Variants in CEP131 observed in about 807,000 individuals in gnomAD.
CEP131 encodes centrosomal protein of 131 kDa.
In CEP131, 99 loss-of-function variants were observed where a neutral mutation model predicts 136.8. The ratio of observed to expected loss-of-function variants is 0.72; its 90% CI spans 0.62 to 0.86. The LOEUF (loss-of-function observed/expected upper bound fraction) is 0.86. Ranked by LOEUF, CEP131 falls within the 40% of genes least tolerant of loss-of-function variation. CEP131 has a pLI of 0.00. For synonymous variants in CEP131, 646 were observed against 612.7 expected, an observed-to-expected ratio of 1.05 and a Z score of -0.80; for missense variants, 1,459 against 1,463.0, an observed-to-expected ratio of 1.00 and a Z score of 0.04.
At chr17:81,196,005 C>A in intron 15 of CEP131, 54 bp from the exon 16 acceptor site, 2 of 1,455,154 alleles carry the variant, frequency 1.4e-6, no homozygotes, top group East Asian at 2.3e-5. Context: ...CCCAGCAGGA[C>A]CCCTGATGGA....
chr17:81,192,322 T>C lies in CEP131; in HGVS notation c.2618A>G (p.Lys873Arg). Residue 873 changes from lysine to arginine, a missense_variant, in exon 21 of 26, where the codon AAG becomes AGG. Lys to Arg is a conservative substitution (Grantham distance 26). Transcript: ENST00000450824. ...RQAWEAGRTR[K>R]EEAWLLNREQ... ...CCTGGGTGCCCAGGCCCCCACCTCC[T>C]TCCTGGTGCGGCCGGCCTCCCACGC... 1 of 1,554,274 alleles carries C rather than the reference T, an allele frequency of 6.4e-7. No individual in the cohort carries two copies. The highest frequency in any genetic ancestry group is 2.4e-5 in the East Asian group (1 of 41,346).
chr17:81,204,410 G>A (rs2061960132), intron 5 of CEP131, among the ~76,000 whole-genome samples: 1 of 152,126 alleles, frequency 6.6e-6, no homozygotes, highest in Non-Finnish European at 1.5e-5. Context: ...GGGCGGGCTG[G>A]GGGTTTGTCT....
chr17:81,203,587 C>T lies in CEP131; in HGVS notation c.536G>A (p.Gly179Asp), dbSNP rs757798899. The change falls in exon 6 of 26, where the codon GGC becomes GAC. Residue 179 changes from glycine to aspartate, a missense_variant. Physicochemically the swap from Gly to Asp is moderately conservative, Grantham distance 94 (BLOSUM62 -1). Around this residue, in one of 3 missense-constraint regions of CEP131, gnomAD observed 246 missense variants for 318.9 expected, o/e 0.77. Transcript: ENST00000450824. This position sits in a 1 kb window ranked among gnomAD's most constrained non-coding sequence, Gnocchi z 4.6. ...ANNRSNKGAV[G>D]NCVTTMVHNR... The stretch of plus-strand genomic sequence containing the variant: ...GTGCACCATGGTGGTGACGCAGTTG[C>T]CCACTGCTCCCTTGTTGCTCCTGCC... 1 of 1,600,304 alleles carries T rather than the reference C, an allele frequency of 6.2e-7. No individual in the cohort carries two copies. Among genetic ancestry groups the T allele is most frequent in the Non-Finnish European group, 8.5e-7 (1 of 1,174,220 alleles).
At position 81,196,722 on chromosome 17, in the gene CEP131, C is replaced by A. The variant is rs2061763379; in HGVS notation, c.1878G>T (p.Arg626=). ...QREHYEATIQ[R]HLAFIDQLIE... ...TCACCTGGTCAATGAAGGCCAAGTG[C>A]CGCTGGATGGTGGCCTCGTAGTGCT... Residue 626 remains arginine, a synonymous_variant, in exon 15 of 26, where the codon CGG becomes CGT. Coordinates refer to ENST00000450824, the MANE Select transcript of CEP131 (RefSeq NM_014984.4). 1 of 1,605,276 alleles carries A rather than the reference C, an allele frequency of 6.2e-7. No homozygotes were observed. Among genetic ancestry groups the A allele is most frequent in the Non-Finnish European group, 8.5e-7 (1 of 1,178,282 alleles).
rs781565082 is a variant in CEP131 at position 81,206,797 on chromosome 17, C to T, written c.462G>A (p.Pro154=). 29 of 1,614,014 alleles carry T rather than the reference C, an allele frequency of 1.8e-5. No individual in the cohort carries two copies. Among genetic ancestry groups the T allele is most frequent in the Non-Finnish European group, 1.2e-5 (14 of 1,180,038 alleles). The change falls in exon 5 of 26, where the codon CCG becomes CCA. Residue 154 remains proline (P), a synonymous_variant. Transcript: ENST00000450824. ...SSSALDSPAG[P]RRKECTVALA... is the part of the protein sequence containing the mutation. ...GGGCCACGGTGCATTCTTTCCTCCG[C>T]GGGCCCGCTGGTGAGTCAAGGGCAC...
intron 19 of CEP131, 51 bp downstream of exon 19, chr17:81,192,685 G>GGGGGGGGGGGGGGGGGCCCC: frequency 2.1e-6 from 1 of 478,424 alleles, no homozygotes; most frequent in Non-Finnish European, 4.1e-6. Context: ...GGGGGGAGGG[G>GGGGGGGGGGGGGGGGGCCCC]TCAGCCAGCG....
chr17:81,220,035 C>A lies in CEP131; in HGVS notation c.22G>T (p.Gly8Cys). Reference sequence around the variant, plus strand: ...GCTGGGCTGCGCTCCGGGACGCTGCCGATGGCCCGGGTGCCTTTCATGGTG... The same window carrying A: ...GCTGGGCTGCGCTCCGGGACGCTGCAGATGGCCCGGGTGCCTTTCATGGTG... MKGTRAI[G>C]SVPERSPAGV... Residue 8 changes from glycine (G) to cysteine (C), a missense_variant, in exon 2 of 26, where the codon GGC becomes TGC. Gly to Cys is a radical substitution (Grantham distance 159, BLOSUM62 -3). This residue lies in a region of CEP131 where 187 missense variants were observed against 179.9 expected (regional missense o/e 1.04). Transcript: ENST00000450824. 1 of 1,593,688 alleles carries A rather than the reference C, an allele frequency of 6.3e-7. No homozygotes were observed. Among genetic ancestry groups the A allele is most frequent in the Non-Finnish European group, 8.5e-7 (1 of 1,170,666 alleles).
intron 19 of CEP131, 51 bp downstream of exon 19, chr17:81,192,685 G>GGGC: frequency 2.1e-6 from 1 of 478,436 alleles, no homozygotes; most frequent in East Asian, 5.8e-5. Context: ...GGGGGGAGGG[G>GGGC]TCAGCCAGCG....
intron 2 of CEP131, among the ~76,000 whole-genome samples, chr17:81,217,707 T>C (rs2062280420): frequency 6.6e-6 from 1 of 152,142 alleles, no homozygotes; most frequent in East Asian, 1.9e-4. Context: ...AGTGAACAGC[T>C]GGAACATTCC....
At position 81,196,747 on chromosome 17, in the gene CEP131, T is replaced by A; in HGVS notation, c.1853A>T (p.Glu618Val). 1 of 1,601,512 alleles carries A rather than the reference T, an allele frequency of 6.2e-7. No individual in the cohort carries two copies. Among genetic ancestry groups the A allele is most frequent in the Non-Finnish European group, 8.5e-7 (1 of 1,176,230 alleles). ...CCGCTGGATGGTGGCCTCGTAGTGCTCCCTCTGCCGCTGCAGCTGCCGGCT... is the reference window on the plus strand; with the variant it reads ...CCGCTGGATGGTGGCCTCGTAGTGCACCCTCTGCCGCTGCAGCTGCCGGCT... ...ALSRQLQRQREHYEATIQRHL... is the reference protein window; with the variant it reads ...ALSRQLQRQRVHYEATIQRHL... Residue 618 changes from glutamate (E) to valine (V), a missense_variant, in exon 15 of 26, where the codon GAG (glutamate) becomes GTG (valine). Glu to Val is a moderately radical substitution (Grantham distance 121). This residue lies in a region of CEP131 where 1,026 missense variants were observed against 964.2 expected (regional missense o/e 1.06). Transcript: ENST00000450824.
At chr17:81,196,559 A>T in intron 15 of CEP131, 142 bp downstream of exon 15, 14 of 1,302,096 alleles carry the variant, frequency 1.1e-5, no homozygotes, top group Non-Finnish European at 1.4e-5. Flanking sequence ...ATGGCATGGG[A>T]AAGGCTTGGA....
Position 81,191,417 on chromosome 17 carries a change from G to C in CEP131, c.2623-82C>G, listed in dbSNP as rs935588084. On this transcript the variant is annotated intron_variant, in intron 21 of 25. Transcript: ENST00000450824. The stretch of plus-strand genomic sequence containing the variant: ...GGCCAGCCTCAGGGGGTCCTGGGGG[G>C]CTCCAGGCTCTGAGCCACAGGGGAG... 13 of 1,361,096 alleles carry C rather than the reference G, an allele frequency of 9.6e-6. No individual in the cohort carries two copies. In the African/African-American group the frequency reaches 1.4e-4, roughly 15 times the overall value. 84.3% of individuals were successfully genotyped at this position (1,361,096 alleles called of 1,614,324 possible).
chr17:81,191,182 C>G lies in CEP131; in HGVS notation c.2765+11G>C. On this transcript the variant is annotated intron_variant, in intron 22 of 25. Transcript: ENST00000450824. ...TCCCCAGCTGGTGACCCAGCCATGGCGGGTCCTTACCGGCTCTCGGCAGCC... is the reference window on the plus strand; with the variant it reads ...TCCCCAGCTGGTGACCCAGCCATGGGGGGTCCTTACCGGCTCTCGGCAGCC... 6.2e-7 allele frequency: 1 copy of G among 1,609,860 alleles called. No individual in the cohort carries two copies. Among genetic ancestry groups the G allele is most frequent in the South Asian group, 1.1e-5 (1 of 90,894 alleles).
chr17:81,192,936 TC>T, intron 18 of CEP131, 93 bp from the exon 19 acceptor site: 2 of 1,505,748 alleles, frequency 1.3e-6, no homozygotes, highest in Non-Finnish European at 1.8e-6. Context: ...CAGGCCTGAC[TC>T]ACAGCTGGAG....
At chr17:81,214,247 T>A (rs1033259047) in intron 2 of CEP131, among the ~76,000 whole-genome samples, 104 of 152,180 alleles carry the variant, frequency 6.8e-4, no homozygotes, top group Non-Finnish European at 7.4e-4. Context: ...TATACTAACA[T>A]AAAAGGTTTA....
intron 2 of CEP131, among the ~76,000 whole-genome samples, chr17:81,209,252 G>C (rs539095055): frequency 2.0e-5 from 3 of 152,132 alleles, no homozygotes; most frequent in Non-Finnish European, 4.4e-5. Context: ...CCCCGTCCCC[G>C]CATCAAGCAG....
At position 81,208,243 on chromosome 17, in the gene CEP131, C is replaced by T. The variant is rs1001629571; in HGVS notation, c.272+685G>A. Among the ~76,000 whole-genome samples the T allele has an allele frequency of 1.3e-5, 2 of 152,254 alleles. No individual in the cohort carries two copies. The highest frequency in any genetic ancestry group is 2.1e-4 in the South Asian group (1 of 4,826). Reference sequence around the variant, plus strand: ...GCTGCACTGGATAGGGTGTGGTGGCCGCAGTTCTTGGTCTTCCCAGGAAGG... The same window carrying T: ...GCTGCACTGGATAGGGTGTGGTGGCTGCAGTTCTTGGTCTTCCCAGGAAGG... On this transcript the variant is annotated intron_variant, in intron 3 of 25. Transcript: ENST00000450824. The surrounding 1 kb of genome is among the most constrained non-coding windows in gnomAD (Gnocchi z 5.6).
In CEP131 at chr17:81,208,128, T is replaced by C. The variant is rs1269955795; in HGVS notation, c.272+800A>G. Reference sequence around the variant, plus strand: ...GCCACACACCCACACACCACACACATACCACACACACACACCAGCTGGCCT... The same window carrying C: ...GCCACACACCCACACACCACACACACACCACACACACACACCAGCTGGCCT... On this transcript the variant is annotated intron_variant, in intron 3 of 25. Coordinates refer to ENST00000450824, the MANE Select transcript of CEP131 (RefSeq NM_014984.4). The surrounding 1 kb of genome is among the most constrained non-coding windows in gnomAD (Gnocchi z 5.6). Among the ~76,000 whole-genome samples the C allele has an allele frequency of 1.4e-5, 2 of 147,396 alleles. No homozygotes were observed. The highest frequency in any genetic ancestry group is 3.0e-5 in the Non-Finnish European group (2 of 66,802).
intron 2 of CEP131, among the ~76,000 whole-genome samples, chr17:81,218,082 G>A (rs1342903527): frequency 5.9e-5 from 8 of 134,506 alleles, no homozygotes; most frequent in South Asian, 2.2e-4. Flanking sequence ...TTGCTCTTTC[G>A]CCCAGGCTGG....
Sources: gnomAD v4.1 joint callset for allele counts (sites outside exome capture counted in the v4.1 genomes callset) on GRCh38, gnomAD v4.1.1 for gene constraint, gnomAD v4.1.1 regional missense constraint, Gnocchi (gnomAD v3.1) non-coding constraint, MANE v1.5 for transcripts, NCBI Gene and HGNC (gene_info 2026-07-23, HGNC 2026-07-21) for gene names.